The following UNC80 variants were observed in gnomAD, a reference collection of about 807,000 sequenced individuals.
UNC80 encodes the protein unc-80 subunit of NALCN channel complex.
A neutral mutation model predicts 384.6 loss-of-function variants in UNC80; 164 were observed. The ratio of observed to expected loss-of-function variants is 0.43; its 90% CI spans 0.38 to 0.49. The LOEUF is 0.49. UNC80 is among the 20% of genes least tolerant of loss of function. The pLI is 0.00. For synonymous variants in UNC80, 1,486 were observed against 1,527.8 expected (o/e 0.97, Z 0.64); for missense variants, 3,330 against 4,143.0 (o/e 0.80, Z 5.39).
chr2:209,916,606 T>C (rs1166318186), intron 31 of UNC80, among the ~76,000 whole-genome samples: 1 of 152,168 alleles, frequency 6.6e-6, no homozygotes, highest in African/African-American at 2.4e-5. Context: ...AAAAGTATTA[T>C]CAAAAGATAA....
intron 29 of UNC80, among the ~76,000 whole-genome samples, chr2:209,906,017 G>A (rs961504718): frequency 6.6e-6 from 1 of 152,124 alleles, no homozygotes; most frequent in African/African-American, 2.4e-5. Context: ...TCATTTCAAC[G>A]GGCATTTATT....
At chr2:209,828,823 A>G (rs1048132343) in intron 14 of UNC80, among the ~76,000 whole-genome samples, 2 of 152,158 alleles carry the variant, frequency 1.3e-5, no homozygotes, top group East Asian at 1.9e-4. Flanking sequence ...TTATTCAGAT[A>G]TAGTGTGGCA....
intron 9 of UNC80, 51 bp downstream of exon 9, chr2:209,815,442 A>G (rs1284105790): frequency 2.0e-6 from 3 of 1,529,250 alleles, no homozygotes; most frequent in Non-Finnish European, 2.7e-6. Context: ...AAAAAATGTC[A>G]GTGGGACATG....
chr2:209,819,325 A>G (rs2079975512), intron 12 of UNC80, 64 bp downstream of exon 12: 1 of 1,448,186 alleles, frequency 6.9e-7, no homozygotes, highest in Admixed American at 2.5e-5. Context: ...GCATTTTTGC[A>G]ATGTTATATA....
At chr2:209,853,374 A>T (rs1286549155) in intron 22 of UNC80, among the ~76,000 whole-genome samples, 2 of 152,102 alleles carry the variant, frequency 1.3e-5, no homozygotes, top group African/African-American at 4.8e-5. Flanking sequence ...GAATTGTTAG[A>T]TGAAAGAAAT....
chr2:209,854,191 G>A (rs1345888960), intron 22 of UNC80, among the ~76,000 whole-genome samples: 1 of 151,782 alleles, frequency 6.6e-6, no homozygotes, highest in Non-Finnish European at 1.5e-5. Flanking sequence ...CATGAAAGAG[G>A]AAATATCTTA....
At chr2:209,975,951 G>A (rs755218873) in intron 56 of UNC80, among the ~76,000 whole-genome samples, 168 bp from the exon 57 acceptor site, 12 of 152,088 alleles carry the variant, frequency 7.9e-5, no homozygotes, top group African/African-American at 2.7e-4. Context: ...TTTTTGTCTC[G>A]ATGTACAGAA....
intron 27 of UNC80, 30 bp downstream of exon 27, chr2:209,894,396 C>T (rs1156555443): frequency 3.1e-6 from 3 of 980,394 alleles, no homozygotes; most frequent in Non-Finnish European, 3.6e-6. Flanking sequence ...TGTGCAGGGA[C>T]GTGGGGGGTA....
chr2:209,904,963 GAAGT>G lies in UNC80; in HGVS notation c.4782+5_4782+8del, dbSNP rs1201281609. On this transcript the variant is annotated splice_donor_variant and coding_sequence_variant, in exon 29 of 65. Transcript: ENST00000673920. LOFTEE classifies it high-confidence loss of function. ...GGCTCTCCGGGGCAAGAAACAGAAA[GAAGT>G]AAGTAAATGACCATTGAATGATATT... is the stretch of plus-strand genomic sequence containing the variant. The G allele has an allele frequency of 2.0e-5, 31 of 1,551,598 alleles. No individual in the cohort carries two copies. The highest frequency in any genetic ancestry group is 4.9e-5 in the East Asian group (2 of 40,912).
At position 209,839,255 on chromosome 2, in the gene UNC80, G is replaced by A. The variant is rs1169435072; in HGVS notation, c.3075G>A (p.Arg1025=). The change falls in exon 19 of 65, where the codon CGG becomes CGA. Residue 1025 remains arginine (R), a synonymous_variant. Transcript: ENST00000673920. The surrounding 1 kb of genome is among the most constrained non-coding windows in gnomAD (Gnocchi z 4.1). ...AAATGCAAGGAGCCAACTTGGGGCG[G>A]AAAGATTTCTGGCGTAAGATGTTCA... The part of the protein sequence containing the change: ...DEQMQGANLG[R]KDFWRKMFKS... The A allele has an allele frequency of 6.4e-7, 1 of 1,551,558 alleles. No homozygotes were observed. The highest frequency in any genetic ancestry group is 8.7e-7 in the Non-Finnish European group (1 of 1,146,986).
chr2:209,935,639 T>C, intron 39 of UNC80, 75 bp from the exon 40 acceptor site: 1 of 668,748 alleles, frequency 1.5e-6, no homozygotes, highest in Non-Finnish European at 2.3e-6. Context: ...ATTGATAATA[T>C]TTTAATATTT....
rs2081183051 is a variant in UNC80, at chr2:209,834,121, A to G, written c.2895A>G (p.Lys965=). ...LDSAEKLAPG[K]KVEENEQESK... Reference sequence around the variant, plus strand: ...GTGCCGAGAAGTTAGCACCAGGGAAAAAGGTGGAGGAGAATGAACAGGAAT... The same window carrying G: ...GTGCCGAGAAGTTAGCACCAGGGAAGAAGGTGGAGGAGAATGAACAGGAAT... Residue 965 remains lysine (K), a synonymous_variant, in exon 17 of 65, where the codon AAA becomes AAG. Coordinates refer to ENST00000673920, the MANE Select transcript of UNC80 (RefSeq NM_001371986.1). The G allele has an allele frequency of 6.4e-7, 1 of 1,551,646 alleles. No individual in the cohort carries two copies. Among genetic ancestry groups the G allele is most frequent in the Non-Finnish European group, 8.7e-7 (1 of 1,146,956 alleles).
chr2:209,906,285 T>C (rs551059281), intron 29 of UNC80, among the ~76,000 whole-genome samples: 20 of 152,304 alleles, frequency 1.3e-4, no homozygotes, highest in South Asian at 1.2e-3. Context: ...AAGCAATACA[T>C]GTTCATTGAA....
At chr2:209,881,535 G>A (rs891083728) in intron 25 of UNC80, among the ~76,000 whole-genome samples, 1 of 152,012 alleles carries the variant, frequency 6.6e-6, no homozygotes, top group African/African-American at 2.4e-5. Context: ...CCAGTATTTA[G>A]TGTCTAAAAT....
At chr2:209,794,453 A>G (rs1463610365) in intron 7 of UNC80, among the ~76,000 whole-genome samples, 1 of 152,188 alleles carries the variant, frequency 6.6e-6, no homozygotes, top group Non-Finnish European at 1.5e-5. Context: ...GTATATCCCT[A>G]CTTTCAAATA....
chr2:209,994,031 C>A lies in UNC80; in HGVS notation c.9509-34C>A, dbSNP rs564260458. ...CATTGACGGTCCGTTTCCACCAACTCCTCCCCAATTTACTGTTTCACCTCT... is the reference window on the plus strand; with the variant it reads ...CATTGACGGTCCGTTTCCACCAACTACTCCCCAATTTACTGTTTCACCTCT... On this transcript the variant is annotated intron_variant, in intron 63 of 64. Transcript: ENST00000673920. 3 of 1,522,162 alleles carry A rather than the reference C, an allele frequency of 2.0e-6. No homozygotes were observed. In the East Asian group the frequency reaches 7.4e-5, roughly 38 times the overall value. 94.3% of individuals were successfully genotyped at this position (1,522,162 alleles called of 1,614,324 possible). A position where few individuals can be genotyped will look rare whatever the true frequency, so the allele number is the denominator to read the frequency against.
rs1285691042 is a variant in UNC80 at position 209,872,401 on chromosome 2, A to T, written c.3628-357A>T. 1.3e-5 allele frequency among the ~76,000 whole-genome samples: 2 copies of T among 152,220 alleles called. No individual in the cohort carries two copies. The highest frequency in any genetic ancestry group is 4.8e-5 in the African/African-American group (2 of 41,440). On this transcript the variant is annotated intron_variant, in intron 22 of 64. Transcript: ENST00000673920. The surrounding 1 kb of genome is among the most constrained non-coding windows in gnomAD (Gnocchi z 4.1). ...AAATTTAGGGTTCAAAAAAAGATTCATCTTTAAGACCTCACTAAAAGCTCT... is the reference window on the plus strand; with the variant it reads ...AAATTTAGGGTTCAAAAAAAGATTCTTCTTTAAGACCTCACTAAAAGCTCT...
chr2:209,881,147 G>A, intron 25 of UNC80, 53 bp downstream of exon 25: 1 of 1,512,474 alleles, frequency 6.6e-7, no homozygotes, highest in East Asian at 2.5e-5. Context: ...GGCCAGGCGT[G>A]TGTCTGGGTT....
chr2:209,958,697 T>A (rs1174652855), intron 49 of UNC80, among the ~76,000 whole-genome samples: 1 of 152,130 alleles, frequency 6.6e-6, no homozygotes, highest in Non-Finnish European at 1.5e-5. Flanking sequence ...GCTTCTAAAG[T>A]CTTAGTATCC....
Sources: allele counts gnomAD v4.1 joint callset (sites outside exome capture counted in the v4.1 genomes callset), GRCh38; gene constraint gnomAD v4.1.1; non-coding constraint Gnocchi (gnomAD v3.1); transcripts MANE v1.5; gene names NCBI Gene and HGNC (gene_info 2026-07-23, HGNC 2026-07-21).